Variants in SH3TC2 observed in about 807,000 individuals in gnomAD.
SH3TC2 encodes SH3 domain and tetratricopeptide repeat-containing protein 2.
A neutral mutation model predicts 124.5 loss-of-function variants in SH3TC2; 87 were observed. That is an observed-to-expected ratio of 0.70 (90% CI 0.59 to 0.84). The LOEUF (loss-of-function observed/expected upper bound fraction) is 0.84, where lower values mean the gene tolerates loss of function less well. Among genes scored for constraint, SH3TC2 ranks in the 40% least tolerant of loss-of-function variants. SH3TC2 has a pLI of 0.00. For synonymous variants in SH3TC2, 634 were observed against 628.5 expected (o/e 1.01, Z -0.13); for missense variants, 1,536 against 1,566.4 (o/e 0.98, Z 0.33).
In SH3TC2 at chr5:149,000,812, C is replaced by A. The variant is rs1030129452; in HGVS notation, c.*3899G>T. Among the ~76,000 whole-genome samples, 1 of 152,182 alleles carries A rather than the reference C, an allele frequency of 6.6e-6. No homozygotes were observed. The highest frequency in any genetic ancestry group is 2.4e-5 in the African/African-American group (1 of 41,448). ...GGGAGAAAGTTACCCTTCTGTTCCT[C>A]AGTTTACTCACCTGTAAAAAGAAGA... is the stretch of plus-strand genomic sequence containing the variant. On this transcript the variant is annotated 3_prime_UTR_variant, in exon 17 of 17. Transcript: ENST00000515425.
chr5:149,027,353 C>G lies in SH3TC2; in HGVS notation c.2379G>C (p.Gln793His). ...ALVLGQLLGE[Q>H]ESFESSLCLA... ...GGCAGAGAGAAGACTCAAAGGATTC[C>G]TGCTCACCCAGCAGCTGCCCTAGCA... The change falls in exon 11 of 17, where the codon CAG becomes CAC. Residue 793 changes from glutamine (Q) to histidine (H), a missense_variant. Gln to His is a conservative substitution (Grantham distance 24, BLOSUM62 0). Coordinates refer to ENST00000515425, the MANE Select transcript of SH3TC2 (RefSeq NM_024577.4). The G allele has an allele frequency of 6.2e-7, 1 of 1,614,028 alleles. No individual in the cohort carries two copies. Among genetic ancestry groups the G allele is most frequent in the African/African-American group, 1.3e-5 (1 of 75,068 alleles).
chr5:149,014,326 C>T (rs1753834410), intron 12 of SH3TC2, among the ~76,000 whole-genome samples: 1 of 152,194 alleles, frequency 6.6e-6, no homozygotes, highest in Non-Finnish European at 1.5e-5. Context: ...AGTTTGAGAA[C>T]CACTGCAGTA....
rs1336256596 is a variant in SH3TC2, at chr5:148,993,787, C to T, written c.*10924G>A. Among the ~76,000 whole-genome samples the T allele has an allele frequency of 6.6e-6, 1 of 152,220 alleles. No individual in the cohort carries two copies. The highest frequency in any genetic ancestry group is 1.5e-5 in the Non-Finnish European group (1 of 68,038). On this transcript the variant is annotated 3_prime_UTR_variant, in exon 17 of 17. Coordinates refer to ENST00000515425, the MANE Select transcript of SH3TC2 (RefSeq NM_024577.4). The stretch of plus-strand genomic sequence containing the variant: ...ATAGCCAAGCATCTAGCCCAGATTA[C>T]ATTCCTCTAAGCATGCCTTAACCCC...
intron 12 of SH3TC2, 149 bp from the exon 13 acceptor site, chr5:149,012,883 C>T (rs1259982665): frequency 2.3e-6 from 2 of 881,358 alleles, no homozygotes; most frequent in East Asian, 5.3e-5. Context: ...AGCTCTACCC[C>T]AATCAGCTGT....
rs1260276918 is a variant in SH3TC2, at chr5:148,983,659, A to C, written c.*21052T>G. 6.6e-6 allele frequency among the ~76,000 whole-genome samples: 1 copy of C among 152,010 alleles called. No individual in the cohort carries two copies. The highest frequency in any genetic ancestry group is 2.4e-5 in the African/African-American group (1 of 41,398). ...CCTTCCCCCTACCCCGCACCCCATT[A>C]GCCCCTGTCTGTGTTCTCTAGCCCT... On this transcript the variant is annotated 3_prime_UTR_variant, in exon 17 of 17. Transcript: ENST00000515425.
At chr5:149,034,597 C>G (rs983459744) in intron 8 of SH3TC2, 1 of 258,616 alleles carries the variant, frequency 3.9e-6, no homozygotes, top group Non-Finnish European at 7.9e-6. Context: ...TTTTTAAGTT[C>G]TCTATTTCTC....
In SH3TC2 at chr5:148,988,022, G is replaced by A. The variant is rs1753361844; in HGVS notation, c.*16689C>T. Among the ~76,000 whole-genome samples the A allele has an allele frequency of 6.6e-6, 1 of 152,138 alleles. No individual in the cohort carries two copies. Among genetic ancestry groups the A allele is most frequent in the African/African-American group, 2.4e-5 (1 of 41,416 alleles). ...GTTGCACCTCCTCTGGCCAAGGACA[G>A]AGAGTCATATCATCTGCCCACTTGG... is the stretch of plus-strand genomic sequence containing the variant. On this transcript the variant is annotated 3_prime_UTR_variant, in exon 17 of 17. Coordinates refer to ENST00000515425, the MANE Select transcript of SH3TC2 (RefSeq NM_024577.4).
At position 148,992,631 on chromosome 5, in the gene SH3TC2, C is replaced by G. The variant is rs1331541665; in HGVS notation, c.*12080G>C. ...TTTTTTTTTTTTTTTTTCAGATTTT[C>G]GAAGGGGTCTATGAACTTTTAGGGC... On this transcript the variant is annotated 3_prime_UTR_variant, in exon 17 of 17. Transcript: ENST00000515425. Among the ~76,000 whole-genome samples, 1 of 55,826 alleles carries G rather than the reference C, an allele frequency of 1.8e-5. No individual in the cohort carries two copies. Among genetic ancestry groups the G allele is most frequent in the Non-Finnish European group, 3.7e-5 (1 of 26,726 alleles). The allele number at this position is 55,826 out of a possible 152,430, so 36.6% of individuals were successfully genotyped here.
chr5:148,990,850 A>G lies in SH3TC2; in HGVS notation c.*13861T>C, dbSNP rs546889454. On this transcript the variant is annotated 3_prime_UTR_variant, in exon 17 of 17. Coordinates refer to ENST00000515425, the MANE Select transcript of SH3TC2 (RefSeq NM_024577.4). Reference sequence around the variant, plus strand: ...GCCCTGAGTTAAGTATTCTAAGTACATTATCTCTTTTAATTTTCACAGCAA... The same window carrying G: ...GCCCTGAGTTAAGTATTCTAAGTACGTTATCTCTTTTAATTTTCACAGCAA... 6.6e-6 allele frequency among the ~76,000 whole-genome samples: 1 copy of G among 152,312 alleles called. No individual in the cohort carries two copies. Among genetic ancestry groups the G allele is most frequent in the East Asian group, 1.9e-4 (1 of 5,194 alleles).
rs1388654060 is a variant in SH3TC2, at chr5:149,003,497, C to A, written c.*1214G>T. The A allele has an allele frequency of 6.3e-6, 1 of 158,618 alleles. No individual in the cohort carries two copies. Among genetic ancestry groups the A allele is most frequent in the Non-Finnish European group, 1.4e-5 (1 of 71,980 alleles). 9.8% of individuals were successfully genotyped at this position (158,618 alleles called of 1,614,324 possible). On this transcript the variant is annotated 3_prime_UTR_variant, in exon 17 of 17. Transcript: ENST00000515425. ...GGTGAGCTTGGAAGCCCATCCTTCT[C>A]TAGTTGAAGTTGAGATAACTGCAGC...
At position 148,985,961 on chromosome 5, in the gene SH3TC2, T is replaced by C. The variant is rs1256791181; in HGVS notation, c.*18750A>G. Among the ~76,000 whole-genome samples, 1 of 152,214 alleles carries C rather than the reference T, an allele frequency of 6.6e-6. No homozygotes were observed. The highest frequency in any genetic ancestry group is 2.4e-5 in the African/African-American group (1 of 41,462). On this transcript the variant is annotated 3_prime_UTR_variant, in exon 17 of 17. Coordinates refer to ENST00000515425, the MANE Select transcript of SH3TC2 (RefSeq NM_024577.4). ...TAACCTATAGATACCACTCGATCATTTTTCTGACATGAGACTTACAGAGTA... is the reference window on the plus strand; with the variant it reads ...TAACCTATAGATACCACTCGATCATCTTTCTGACATGAGACTTACAGAGTA...
chr5:149,042,558 A>T lies in SH3TC2; in HGVS notation c.529+136T>A, dbSNP rs144606543. 4.9e-4 allele frequency: 515 copies of T among 1,042,770 alleles called. 5 individuals are homozygous for T. The African/African-American group carries it at 7.5e-3, about 15-fold the overall frequency. The allele number at this position is 1,042,770 out of a possible 1,614,324, so 64.6% of individuals were successfully genotyped here. On this transcript the variant is annotated intron_variant, in intron 5 of 16. Coordinates refer to ENST00000515425, the MANE Select transcript of SH3TC2 (RefSeq NM_024577.4). ...AACTCAGAGGAATGTTCAAAGTACT[A>T]TTATAACAGGTGGGTTCATTTGTGA...
In SH3TC2 at chr5:149,041,604, G is replaced by A. The variant is rs371302639; in HGVS notation, c.543C>T (p.Cys181=). ...GTGGAGTCACGGAGCACAGGGCTCT[G>A]CAGAAGAAGTGGCCTGTGGATAATG... ...GLLIQEGHFF[C]RALCSVTPPA... is the part of the protein sequence containing the mutation. Residue 181 remains cysteine, a synonymous_variant, in exon 6 of 17, where the codon TGC becomes TGT. Coordinates refer to ENST00000515425, the MANE Select transcript of SH3TC2 (RefSeq NM_024577.4). 29 of 1,614,086 alleles carry A rather than the reference G, an allele frequency of 1.8e-5. No individual in the cohort carries two copies. The highest frequency in any genetic ancestry group is 6.7e-5 in the Admixed American group (4 of 60,000).
In SH3TC2 at chr5:149,038,372, G is replaced by T. The variant is rs753884201; in HGVS notation, c.924C>A (p.Phe308Leu). 7 of 1,614,068 alleles carry T rather than the reference G, an allele frequency of 4.3e-6. No homozygotes were observed. In the Admixed American group the frequency reaches 1.2e-4, roughly 27 times the overall value. Residue 308 changes from phenylalanine to leucine, a missense_variant, in exon 8 of 17, where the codon TTC becomes TTA. Coordinates refer to ENST00000515425, the MANE Select transcript of SH3TC2 (RefSeq NM_024577.4). ...IGFVIPGLQW[F>L]IGKSTSSGQV... ...GTCCTGAACTTGTCGACTTTCCAATGAACCACTGAAGCCCAGGTATGACAA... is the reference window on the plus strand; with the variant it reads ...GTCCTGAACTTGTCGACTTTCCAATTAACCACTGAAGCCCAGGTATGACAA...
intron 16 of SH3TC2, 82 bp downstream of exon 16, chr5:149,006,799 A>T: frequency 7.0e-7 from 1 of 1,418,956 alleles, no homozygotes; most frequent in Non-Finnish European, 1.0e-6. Flanking sequence ...GCTCCACCAC[A>T]AAGGCTCCTC....
rs1209579583 is a variant in SH3TC2, at chr5:148,994,630, G to A, written c.*10081C>T. Among the ~76,000 whole-genome samples, 1 of 151,508 alleles carries A rather than the reference G, an allele frequency of 6.6e-6. No homozygotes were observed. The highest frequency in any genetic ancestry group is 6.6e-5 in the Admixed American group (1 of 15,170). Reference sequence around the variant, plus strand: ...TGGTTGGTTGGTTGGTTGGTTGGTTGGTTGGTTGGTTGGTTGGTTGGTTGG... The same window carrying A: ...TGGTTGGTTGGTTGGTTGGTTGGTTAGTTGGTTGGTTGGTTGGTTGGTTGG... On this transcript the variant is annotated 3_prime_UTR_variant, in exon 17 of 17. Transcript: ENST00000515425.
chr5:149,031,391 G>A (rs1344435665), intron 9 of SH3TC2, among the ~76,000 whole-genome samples, 163 bp downstream of exon 9: 1 of 152,144 alleles, frequency 6.6e-6, no homozygotes, highest in African/African-American at 2.4e-5. Context: ...AAAGTGAAAT[G>A]CTGCTAATCA....
chr5:149,024,861 C>T (rs1435232442), intron 12 of SH3TC2, among the ~76,000 whole-genome samples: 1 of 152,182 alleles, frequency 6.6e-6, no homozygotes, highest in Non-Finnish European at 1.5e-5. Context: ...TTCTCTCTGG[C>T]TTCCCCCTTA....
chr5:149,041,348 C>A lies in SH3TC2; in HGVS notation c.731+68G>T, dbSNP rs2127400612. 6 of 1,532,086 alleles carry A rather than the reference C, an allele frequency of 3.9e-6. No individual in the cohort carries two copies. The East Asian group carries it at 1.4e-4, about 35-fold the overall frequency. The allele number at this position is 1,532,086 out of a possible 1,614,324, so 94.9% of individuals were successfully genotyped here. On this transcript the variant is annotated intron_variant, in intron 6 of 16. Coordinates refer to ENST00000515425, the MANE Select transcript of SH3TC2 (RefSeq NM_024577.4). ...ATGGATGCCCATATCTGAAAGCATGCCTACTCTGTTCTGTGCAAACCTCAG... is the reference window on the plus strand; with the variant it reads ...ATGGATGCCCATATCTGAAAGCATGACTACTCTGTTCTGTGCAAACCTCAG...
Sources: allele counts gnomAD v4.1 joint callset (sites outside exome capture counted in the v4.1 genomes callset), GRCh38; gene constraint gnomAD v4.1.1; transcripts MANE v1.5; gene names NCBI Gene and HGNC (gene_info 2026-07-23, HGNC 2026-07-21).